Variants in LRP2 observed in about 807,000 individuals in gnomAD.
The protein encoded by LRP2 is low-density lipoprotein receptor-related protein 2.
In LRP2, 172 loss-of-function variants were observed where a neutral mutation model predicts 531.0. That is an observed-to-expected ratio of 0.32 (90% CI 0.29 to 0.37). The LOEUF is 0.37. LRP2 is among the 10% of genes least tolerant of loss of function. The probability of loss-of-function intolerance (pLI) is 1.00; values close to 1 mark genes in which losing one functional copy is unlikely to be tolerated. For missense variants in LRP2, 5,167 were observed against 5,868.3 expected (o/e 0.88, Z 3.90); for synonymous variants, 1,992 against 2,027.6 (o/e 0.98, Z 0.47).
intron 11 of LRP2, 47 bp downstream of exon 11, chr2:169,280,300 TCAA>T (rs750394337): frequency 1.2e-6 from 2 of 1,605,144 alleles, no homozygotes; most frequent in Admixed American, 3.3e-5. Context: ...TGAAAAGCTA[TCAA>T]CACTTTGTGC....
chr2:169,134,206 CT>C (rs373853379), intron 76 of LRP2, among the ~76,000 whole-genome samples: 49,267 of 151,622 alleles, frequency 0.32, 9,730 homozygotes, highest in Admixed American at 0.48. Context: ...GCTGCCACTG[CT>C]TTAATACTTT....
At chr2:169,213,923 A>T (rs1688685980) in intron 35 of LRP2, 53 bp from the exon 36 acceptor site, 1 of 1,154,370 alleles carries the variant, frequency 8.7e-7, no homozygotes. Flanking sequence ...AAAATTTTGA[A>T]CATTTAAACA....
At position 169,182,254 on chromosome 2, in the gene LRP2, C is replaced by T. The variant is rs888091809; in HGVS notation, c.9911G>A (p.Arg3304His). 1.4e-5 allele frequency: 22 copies of T among 1,613,970 alleles called. No homozygotes were observed. The highest frequency in any genetic ancestry group is 1.7e-5 in the Admixed American group (1 of 59,990). ...LFVSDLNGGH[R>H]RMLAQHCVDA... Reference sequence around the variant, plus strand: ...CACACAGTGCTGGGCCAGCATGCGGCGGTGTCCACCATTGAGGTCAGAGAC... The same window carrying T: ...CACACAGTGCTGGGCCAGCATGCGGTGGTGTCCACCATTGAGGTCAGAGAC... The change falls in exon 51 of 79, where the codon CGC (arginine) becomes CAC (histidine). Residue 3304 changes from arginine (R) to histidine (H), a missense_variant. This residue lies in a region of LRP2 where 1,129 missense variants were observed against 1,362.7 expected (regional missense o/e 0.83). Coordinates refer to ENST00000649046, the MANE Select transcript of LRP2 (RefSeq NM_004525.3).
intron 1 of LRP2, among the ~76,000 whole-genome samples, chr2:169,358,172 T>C (rs1201379199): frequency 6.6e-6 from 1 of 152,128 alleles, no homozygotes; most frequent in Non-Finnish European, 1.5e-5. Context: ...AATCTAGAAA[T>C]CTCAACCAAC....
chr2:169,307,372 C>G lies in LRP2; in HGVS notation c.336G>C (p.Gln112His). The change falls in exon 4 of 79, where the codon CAG becomes CAC. Residue 112 changes from glutamine to histidine, a missense_variant. Physicochemically the swap from Gln to His is conservative, Grantham distance 24. Coordinates refer to ENST00000649046, the MANE Select transcript of LRP2 (RefSeq NM_004525.3). Reference sequence around the variant, plus strand: ...TACACTGACCATTGGAGCATGTTATCTGATGACTTGAGCATGTACTTTGTG... The same window carrying G: ...TACACTGACCATTGGAGCATGTTATGTGATGACTTGAGCATGTACTTTGTG... ...DCSQSTCSSH[Q>H]ITCSNGQCIP... 2 of 1,613,088 alleles carry G rather than the reference C, an allele frequency of 1.2e-6. No homozygotes were observed. Among genetic ancestry groups the G allele is most frequent in the Non-Finnish European group, 1.7e-6 (2 of 1,179,058 alleles).
At chr2:169,292,749 G>T (rs1485415086) in intron 6 of LRP2, among the ~76,000 whole-genome samples, 1 of 149,462 alleles carries the variant, frequency 6.7e-6, no homozygotes, top group Non-Finnish European at 1.5e-5. Flanking sequence ...GATGGCATGA[G>T]CCTGGTGGGG....
intron 31 of LRP2, among the ~76,000 whole-genome samples, chr2:169,229,063 C>A (rs562921171): frequency 2.0e-5 from 3 of 152,100 alleles, no homozygotes; most frequent in Non-Finnish European, 4.4e-5. Flanking sequence ...ATCTACAGAC[C>A]AGGTAGAGGC....
At chr2:169,278,295 G>C (rs1683610476) in intron 12 of LRP2, among the ~76,000 whole-genome samples, 1 of 151,910 alleles carries the variant, frequency 6.6e-6, no homozygotes, top group South Asian at 2.1e-4. Context: ...GACCAGCCTG[G>C]GCAACATGGC....
At chr2:169,270,591 C>G (rs1447570984) in intron 16 of LRP2, among the ~76,000 whole-genome samples, 2 of 129,460 alleles carry the variant, frequency 1.5e-5, no homozygotes, top group Non-Finnish European at 3.1e-5. Flanking sequence ...GAACATCACA[C>G]GCCAGGGCCT....
intron 35 of LRP2, among the ~76,000 whole-genome samples, chr2:169,215,741 A>G (rs1688761153): frequency 1.4e-5 from 2 of 147,692 alleles, no homozygotes; most frequent in Admixed American, 1.4e-4. Flanking sequence ...TATATATTCT[A>G]TATCTATATA....
intron 1 of LRP2, among the ~76,000 whole-genome samples, chr2:169,334,842 A>G (rs923280589): frequency 6.6e-6 from 1 of 152,234 alleles, no homozygotes; most frequent in African/African-American, 2.4e-5. Context: ...AGGATTAAAG[A>G]GGTCCCTGTA....
chr2:169,162,955 A>G (rs1037020667), intron 62 of LRP2, among the ~76,000 whole-genome samples: 3 of 152,256 alleles, frequency 2.0e-5, no homozygotes, highest in African/African-American at 7.2e-5. Context: ...AGGCTTCATT[A>G]TGTTACACCC....
chr2:169,161,726 G>A (rs939504566), intron 63 of LRP2, among the ~76,000 whole-genome samples: 8 of 152,020 alleles, frequency 5.3e-5, no homozygotes, highest in African/African-American at 1.2e-4. Flanking sequence ...TGTCTGCCTC[G>A]GCCTCCCAAA....
intron 14 of LRP2, 24 bp from the exon 15 acceptor site, chr2:169,273,091 T>A (rs760829952): frequency 6.2e-7 from 1 of 1,613,170 alleles, no homozygotes; most frequent in Non-Finnish European, 8.5e-7. Flanking sequence ...TGCACAGGGT[T>A]AAATTGCAAT....
chr2:169,301,663 T>C (rs1182126659), intron 4 of LRP2, among the ~76,000 whole-genome samples: 4 of 152,096 alleles, frequency 2.6e-5, no homozygotes, highest in Admixed American at 6.6e-5. Flanking sequence ...AAATAATCTT[T>C]TTGTTGAGAC....
At chr2:169,199,837 A>G (rs1023096203) in intron 44 of LRP2, among the ~76,000 whole-genome samples, 2 of 152,240 alleles carry the variant, frequency 1.3e-5, no homozygotes, top group African/African-American at 4.8e-5. Flanking sequence ...TGAAATTACT[A>G]TATAATAAAA....
rs974831737 is a variant in LRP2 at position 169,213,603 on chromosome 2, A to T, written c.6040+54T>A. On this transcript the variant is annotated intron_variant, in intron 36 of 78. Transcript: ENST00000649046. ...GGGTGTGTGCTTACAAATGTGAGTT[A>T]TGTGTGAATATGCATTATACACCCA... 8.8e-6 allele frequency: 12 copies of T among 1,357,596 alleles called. No individual in the cohort carries two copies. In the African/African-American group the frequency reaches 1.6e-4, roughly 18 times the overall value. 84.1% of individuals were successfully genotyped at this position (1,357,596 alleles called of 1,614,324 possible). A position where few individuals can be genotyped will look rare whatever the true frequency, so the allele number is the denominator to read the frequency against.
At position 169,235,950 on chromosome 2, in the gene LRP2, T is replaced by C; in HGVS notation, c.4810A>G (p.Thr1604Ala). ...AGCAGTCTGTTGGGGTAGTCAATAG[T>C]TAAGCCGCAGGGCCAGAAGATCTTG... ...QDKIFWPCGL[T>A]IDYPNRLLYF... Residue 1604 changes from threonine to alanine, a missense_variant, in exon 29 of 79, where the codon ACT becomes GCT. Coordinates refer to ENST00000649046, the MANE Select transcript of LRP2 (RefSeq NM_004525.3). The C allele has an allele frequency of 6.2e-7, 1 of 1,614,134 alleles. No individual in the cohort carries two copies.
Position 169,244,857 on chromosome 2 carries a change from C to T in LRP2, c.3266G>A (p.Arg1089His), listed in dbSNP as rs143115109. The change falls in exon 22 of 79, where the codon CGC becomes CAC. Residue 1089 changes from arginine (R) to histidine (H), a missense_variant. Arg to His is a conservative substitution (Grantham distance 29, BLOSUM62 0). This residue lies in a region of LRP2 where 2,811 missense variants were observed against 3,058.0 expected (regional missense o/e 0.92). Coordinates refer to ENST00000649046, the MANE Select transcript of LRP2 (RefSeq NM_004525.3). The part of the protein sequence containing the change: ...CIPAHWRCDK[R>H]NDCVDGSDEH... ...ATCACTGCCATCCACACAGTCGTTGCGTTTGTCACAGCGCCAGTGTGCAGG... is the reference window on the plus strand; with the variant it reads ...ATCACTGCCATCCACACAGTCGTTGTGTTTGTCACAGCGCCAGTGTGCAGG... 486 of 1,614,228 alleles carry T rather than the reference C, an allele frequency of 3.0e-4. No individual in the cohort carries two copies. The highest frequency in any genetic ancestry group is 1.3e-3 in the Admixed American group (80 of 60,026).
Sources: allele counts gnomAD v4.1 joint callset (sites outside exome capture counted in the v4.1 genomes callset), GRCh38; gene constraint gnomAD v4.1.1; regional missense constraint gnomAD v4.1.1; transcripts MANE v1.5; gene names NCBI Gene and HGNC (gene_info 2026-07-23, HGNC 2026-07-21).